The following SUGCT variants were observed in gnomAD, a reference collection of about 807,000 sequenced individuals.
SUGCT encodes succinyl-CoA:glutarate-CoA transferase.
A neutral mutation model predicts 55.0 loss-of-function variants in SUGCT; 41 were observed. The ratio of observed to expected loss-of-function variants is 0.74; its 90% CI spans 0.58 to 0.97. The LOEUF is 0.97. Ranked by LOEUF, SUGCT falls within the 50% of genes least tolerant of loss-of-function variation. SUGCT has a pLI of 0.00. For synonymous variants in SUGCT, 187 were observed against 200.4 expected (o/e 0.93, Z 0.56); for missense variants, 568 against 547.8 (o/e 1.04, Z -0.37).
At chr7:40,288,305 AAAC>A (rs879659062) in intron 8 of SUGCT, among the ~76,000 whole-genome samples, 1 of 152,086 alleles carries the variant, frequency 6.6e-6, no homozygotes, top group Non-Finnish European at 1.5e-5. Flanking sequence ...AAAAAAAAGA[AAAC>A]AAAGCCTGGG....
chr7:40,984,298 T>C, the SUGCT span, among the ~76,000 whole-genome samples: 1 of 152,188 alleles, frequency 6.6e-6, no homozygotes, highest in Non-Finnish European at 1.5e-5. Context: ...TGAAGACTCA[T>C]ACTTTTCCAG....
At chr7:40,902,300 C>T in the SUGCT span, among the ~76,000 whole-genome samples, 2 of 151,966 alleles carry the variant, frequency 1.3e-5, no homozygotes, top group Admixed American at 6.6e-5. Flanking sequence ...CAAAACCAGC[C>T]GGGTGTGGTG....
intron 9 of SUGCT, among the ~76,000 whole-genome samples, chr7:40,382,439 G>A (rs1007603920): frequency 6.6e-6 from 1 of 152,160 alleles, no homozygotes; most frequent in African/African-American, 2.4e-5. Context: ...TATTGGATAG[G>A]AAGAGGTAAT....
At chr7:40,728,272 A>G (rs1260193351) in intron 12 of SUGCT, among the ~76,000 whole-genome samples, 10 of 152,166 alleles carry the variant, frequency 6.6e-5, no homozygotes, top group Non-Finnish European at 1.2e-4. Flanking sequence ...TAATCCTAGC[A>G]TTTTGGGAGG....
chr7:40,264,224 A>G (rs1791406813), intron 7 of SUGCT, among the ~76,000 whole-genome samples: 1 of 152,138 alleles, frequency 6.6e-6, no homozygotes, highest in African/African-American at 2.4e-5. Context: ...TTCAAGTTCT[A>G]AAATGGTGTG....
At chr7:40,230,291 C>T (rs748521134) in intron 6 of SUGCT, among the ~76,000 whole-genome samples, 2 of 152,110 alleles carry the variant, frequency 1.3e-5, no homozygotes, top group Admixed American at 6.6e-5. Flanking sequence ...GTCTGAAGAA[C>T]GGCTATTCTA....
At chr7:40,415,604 A>G (rs1285874558) in intron 9 of SUGCT, among the ~76,000 whole-genome samples, 2 of 151,870 alleles carry the variant, frequency 1.3e-5, no homozygotes, top group African/African-American at 4.8e-5. Context: ...GTCTCCCCCA[A>G]AATTTATTCT....
intron 9 of SUGCT, among the ~76,000 whole-genome samples, chr7:40,360,336 T>C (rs1260619360): frequency 1.3e-5 from 2 of 152,186 alleles, no homozygotes; most frequent in Non-Finnish European, 2.9e-5. Context: ...TTAAAAATAC[T>C]GTTTTTCTTC....
chr7:40,653,732 G>T (rs1304216328), intron 12 of SUGCT, among the ~76,000 whole-genome samples: 1 of 152,156 alleles, frequency 6.6e-6, no homozygotes, highest in African/African-American at 2.4e-5. Flanking sequence ...GGACCTTTGG[G>T]TGTCTTATTT....
intron 12 of SUGCT, among the ~76,000 whole-genome samples, chr7:40,719,905 C>T (rs980358596): frequency 1.3e-5 from 2 of 152,122 alleles, no homozygotes; most frequent in Admixed American, 6.5e-5. Flanking sequence ...AAGCAATTCT[C>T]CTGCCTCAGC....
At chr7:40,956,637 T>C in the SUGCT span, among the ~76,000 whole-genome samples, 1 of 151,484 alleles carries the variant, frequency 6.6e-6, no homozygotes, top group African/African-American at 2.4e-5. Context: ...TCTGCTCTGA[T>C]CTTAGTTATT....
At chr7:40,924,265 C>CGTGT in the SUGCT span, among the ~76,000 whole-genome samples, 7,309 of 136,082 alleles carry the variant, frequency 0.054, 426 homozygotes, top group African/African-American at 0.14. Context: ...CTTTCAATTA[C>CGTGT]GTGTGTGTGT....
At chr7:40,410,708 T>A (rs1449056916) in intron 9 of SUGCT, among the ~76,000 whole-genome samples, 1 of 152,208 alleles carries the variant, frequency 6.6e-6, no homozygotes, top group Non-Finnish European at 1.5e-5. Context: ...ATTTTGTAAG[T>A]CCTTACGTAT....
At chr7:40,847,407 C>CTTTTTTTTTTTTTTTTTT (rs1338885686) in intron 13 of SUGCT, among the ~76,000 whole-genome samples, 1 of 117,888 alleles carries the variant, frequency 8.5e-6, no homozygotes, top group African/African-American at 2.9e-5. Flanking sequence ...TCTTTTCTTT[C>CTTTTTTTTTTTTTTTTTT]TTTCTTTTTT....
At chr7:40,520,056 T>C (rs900659235) in intron 12 of SUGCT, among the ~76,000 whole-genome samples, 1 of 152,018 alleles carries the variant, frequency 6.6e-6, no homozygotes, top group Non-Finnish European at 1.5e-5. Context: ...AATTCAAAGT[T>C]TGAAAGACTA....
chr7:40,586,676 C>T (rs1364324634), intron 12 of SUGCT, among the ~76,000 whole-genome samples: 3 of 152,144 alleles, frequency 2.0e-5, no homozygotes, highest in Non-Finnish European at 4.4e-5. Flanking sequence ...AGACACTTAC[C>T]AATTTACAGG....
chr7:40,531,168 G>C (rs953101631), intron 12 of SUGCT, among the ~76,000 whole-genome samples: 2 of 152,124 alleles, frequency 1.3e-5, no homozygotes, highest in African/African-American at 4.8e-5. Flanking sequence ...AGTTTGATTT[G>C]AACAGAACAT....
chr7:40,780,814 T>TAA, intron 13 of SUGCT, among the ~76,000 whole-genome samples: 1 of 150,906 alleles, frequency 6.6e-6, no homozygotes, highest in South Asian at 2.1e-4. Flanking sequence ...TTAACAAATT[T>TAA]AAAAACACCA....
At chr7:40,236,301 T>C (rs980518338) in intron 6 of SUGCT, among the ~76,000 whole-genome samples, 3 of 151,720 alleles carry the variant, frequency 2.0e-5, no homozygotes, top group South Asian at 2.1e-4. Flanking sequence ...CAGGTGATCC[T>C]CCCGCCTCCC....
Sources: allele counts gnomAD v4.1 joint callset (sites outside exome capture counted in the v4.1 genomes callset), GRCh38; gene constraint gnomAD v4.1.1; transcripts MANE v1.5; gene names NCBI Gene and HGNC (gene_info 2026-07-23, HGNC 2026-07-21).